The following NEK6 variants were observed in gnomAD, a reference collection of about 807,000 sequenced individuals.
The protein encoded by NEK6 is NIMA related kinase 6.
NEK6 carries 27 observed loss-of-function variants against 43.5 expected under a neutral mutation model. The observed-to-expected ratio is 0.62, with a 90% confidence interval of 0.46 to 0.86. The LOEUF (loss-of-function observed/expected upper bound fraction) is 0.86. Ranked by LOEUF, NEK6 falls within the 40% of genes least tolerant of loss-of-function variation. The pLI is 0.00. For missense variants in NEK6, 318 were observed against 414.4 expected (o/e 0.77, Z 2.02); for synonymous variants, 167 against 164.1 (o/e 1.02, Z -0.14).
Position 124,300,387 on chromosome 9 carries a change from A to G in NEK6, c.-29-1549A>G, listed in dbSNP as rs577291087. On this transcript the variant is annotated intron_variant, in intron 1 of 9. Coordinates refer to ENST00000320246, the MANE Select transcript of NEK6 (RefSeq NM_014397.6). ...CACCTCCTGGAACACCCCCGTGTTA[A>G]TGGGGGCGTGGGTCTACCTGGGAGG... is the stretch of plus-strand genomic sequence containing the variant. Among the ~76,000 whole-genome samples the G allele has an allele frequency of 1.3e-4, 20 of 152,156 alleles. No homozygotes were observed. In the South Asian group the frequency reaches 3.7e-3, roughly 28 times the overall value.
rs2118861770 is a variant in NEK6, at chr9:124,263,305, G to C, written c.-30+5220G>C. Among the ~76,000 whole-genome samples, 3 of 152,298 alleles carry C rather than the reference G, an allele frequency of 2.0e-5. No homozygotes were observed. In the South Asian group the frequency reaches 6.2e-4, roughly 32 times the overall value. On this transcript the variant is annotated intron_variant, in intron 1 of 9. Transcript: ENST00000320246. ...ACTCTTGCCACCCATCTGTTTCACG[G>C]AACAGAACCTGAGGCTCAGAGGGAG...
At chr9:124,336,719 C>G (rs1183623073) in intron 7 of NEK6, among the ~76,000 whole-genome samples, 1 of 152,086 alleles carries the variant, frequency 6.6e-6, no homozygotes, top group African/African-American at 2.4e-5. Context: ...CCTTAAAAAT[C>G]CAGGCCAGGC....
At chr9:124,277,749 C>T (rs1012347735) in intron 1 of NEK6, among the ~76,000 whole-genome samples, 1 of 152,216 alleles carries the variant, frequency 6.6e-6, no homozygotes, top group Non-Finnish European at 1.5e-5. Context: ...ACGAGAGAGG[C>T]CCGCGTTCAC....
intron 1 of NEK6, chr9:124,261,484 G>A (rs1266188717): frequency 1.0e-6 from 1 of 985,352 alleles, no homozygotes; most frequent in African/African-American, 1.7e-5. Context: ...ATGAGGCTGG[G>A]ACACTGTTCG....
intron 7 of NEK6, among the ~76,000 whole-genome samples, chr9:124,331,855 G>A (rs182623415): frequency 4.5e-4 from 68 of 152,338 alleles, no homozygotes; most frequent in African/African-American, 9.4e-4. Context: ...ATCCCAGGCC[G>A]CCTCCTGCCC....
At chr9:124,313,564 C>T (rs975134161) in intron 3 of NEK6, among the ~76,000 whole-genome samples, 1 of 152,168 alleles carries the variant, frequency 6.6e-6, no homozygotes, top group Non-Finnish European at 1.5e-5. Flanking sequence ...GACGGGGTTT[C>T]ACCATGTTGG....
At chr9:124,313,798 G>C (rs1046727334) in intron 3 of NEK6, 125 bp from the exon 4 acceptor site, 31 of 868,650 alleles carry the variant, frequency 3.6e-5, no homozygotes, top group South Asian at 3.4e-4. Flanking sequence ...AGTGCAGGGG[G>C]GGGTCACAGA....
At chr9:124,290,977 G>A (rs538905893) in intron 1 of NEK6, among the ~76,000 whole-genome samples, 1 of 152,180 alleles carries the variant, frequency 6.6e-6, no homozygotes, top group Non-Finnish European at 1.5e-5. Context: ...AAGGGAAGAC[G>A]AACACTCCTC....
In NEK6 at chr9:124,350,322, C is replaced by T. The variant is rs559991950; in HGVS notation, c.832-515C>T. On this transcript the variant is annotated intron_variant, in intron 9 of 9. Transcript: ENST00000320246. The stretch of plus-strand genomic sequence containing the variant: ...GGCGCAAGGCGCCCCTCCCCCACCT[C>T]GGGGCGGGAGCAGCCTTCAGTGTCT... Among the ~76,000 whole-genome samples, 44 of 151,428 alleles carry T rather than the reference C, an allele frequency of 2.9e-4. 4 individuals carry two copies. Among genetic ancestry groups the T allele is most frequent in the South Asian group, 2.5e-3 (12 of 4,798 alleles).
intron 1 of NEK6, among the ~76,000 whole-genome samples, chr9:124,283,932 G>T (rs1333519679): frequency 2.6e-5 from 4 of 152,266 alleles, no homozygotes; most frequent in Non-Finnish European, 5.9e-5. Context: ...GATGGAGATT[G>T]GTCCCCCTTG....
At chr9:124,266,088 A>G (rs751825256) in intron 1 of NEK6, among the ~76,000 whole-genome samples, 1 of 152,108 alleles carries the variant, frequency 6.6e-6, no homozygotes, top group Non-Finnish European at 1.5e-5. Flanking sequence ...GGTTTGCCAG[A>G]GGGCTGAGAG....
rs992063853 is a variant in NEK6, at chr9:124,324,851, C to T, written c.406-1479C>T. Among the ~76,000 whole-genome samples, 1 of 152,170 alleles carries T rather than the reference C, an allele frequency of 6.6e-6. No homozygotes were observed. The highest frequency in any genetic ancestry group is 1.5e-5 in the Non-Finnish European group (1 of 68,028). On this transcript the variant is annotated intron_variant, in intron 5 of 9. Transcript: ENST00000320246. This position sits in a 1 kb window ranked among gnomAD's most constrained non-coding sequence, Gnocchi z 5.3. ...TTCCTGAACCTCTGAGCTCAGTCTC[C>T]CATATCAATGGTTACTGGTGTTATT...
rs192871901 is a variant in NEK6 at position 124,324,381 on chromosome 9, C to G, written c.406-1949C>G. Among the ~76,000 whole-genome samples, 1 of 152,232 alleles carries G rather than the reference C, an allele frequency of 6.6e-6. No homozygotes were observed. The highest frequency in any genetic ancestry group is 2.4e-5 in the African/African-American group (1 of 41,460). On this transcript the variant is annotated intron_variant, in intron 5 of 9. Transcript: ENST00000320246. The surrounding 1 kb of genome is among the most constrained non-coding windows in gnomAD (Gnocchi z 5.3). The stretch of plus-strand genomic sequence containing the variant: ...GGATTGTGTCCCGAGAGCCTGCAGC[C>G]TCAAGGGCTGAGCTGCGCCATCACA...
chr9:124,292,321 G>A, intron 1 of NEK6: 1 of 1,424,548 alleles, frequency 7.0e-7, no homozygotes, highest in Non-Finnish European at 9.2e-7. Flanking sequence ...GACAGGGGTG[G>A]CTGCTGATGG....
At chr9:124,294,227 G>A (rs973586623) in intron 1 of NEK6, among the ~76,000 whole-genome samples, 9 of 152,190 alleles carry the variant, frequency 5.9e-5, no homozygotes, top group East Asian at 3.8e-4. Context: ...TTAGCTGGGC[G>A]TGATGGTGTG....
intron 1 of NEK6, among the ~76,000 whole-genome samples, chr9:124,282,322 G>A (rs192316277): frequency 3.9e-5 from 6 of 152,272 alleles, no homozygotes; most frequent in Non-Finnish European, 2.9e-5. Context: ...GTCGCCACAT[G>A]GCCTTCTTCC....
At chr9:124,327,488 T>C in intron 7 of NEK6, 43 bp downstream of exon 7, 2 of 1,490,338 alleles carry the variant, frequency 1.3e-6, no homozygotes, top group Non-Finnish European at 1.9e-6. Flanking sequence ...CCAGCGGTCC[T>C]GGTGACCATG....
intron 1 of NEK6, chr9:124,263,062 T>G (rs1295841516): frequency 6.6e-6 from 1 of 152,226 alleles, no homozygotes; most frequent in African/African-American, 2.4e-5. Flanking sequence ...CCTTCTCGAA[T>G]GCCTGCCCTC....
Position 124,327,339 on chromosome 9 carries a change from C to T in NEK6, c.516C>T (p.Asp172=). Residue 172 remains aspartate, a splice_region_variant and synonymous_variant, in exon 7 of 10, where the codon GAC becomes GAT. Coordinates refer to ENST00000320246, the MANE Select transcript of NEK6 (RefSeq NM_014397.6). ...HMHSRRVMHR[D]IKPANVFITA... ...AATCTCCTTCTCCTCGCCCTGCAGA[C>T]ATCAAGCCTGCCAACGTGTTCATCA... The T allele has an allele frequency of 6.2e-7, 1 of 1,613,866 alleles. No homozygotes were observed. Among genetic ancestry groups the T allele is most frequent in the Non-Finnish European group, 8.5e-7 (1 of 1,179,874 alleles).
Sources: allele counts gnomAD v4.1 joint callset (sites outside exome capture counted in the v4.1 genomes callset), GRCh38; gene constraint gnomAD v4.1.1; non-coding constraint Gnocchi (gnomAD v3.1); transcripts MANE v1.5; gene names NCBI Gene and HGNC (gene_info 2026-07-23, HGNC 2026-07-21).